The following SEMA7A variants were observed in gnomAD, a reference collection of about 807,000 sequenced individuals.
SEMA7A encodes the protein semaphorin-7A.
SEMA7A carries 21 observed loss-of-function variants against 67.5 expected under a neutral mutation model. The observed-to-expected ratio is 0.31, with a 90% confidence interval of 0.22 to 0.45. The LOEUF is 0.45. Ranked by LOEUF, SEMA7A falls within the 20% of genes least tolerant of loss-of-function variation. The probability of loss-of-function intolerance (pLI) is 1.00; values close to 1 mark genes in which losing one functional copy is unlikely to be tolerated. For missense variants in SEMA7A, 774 were observed against 908.6 expected (o/e 0.85, Z 1.90); for synonymous variants, 364 against 368.5 (o/e 0.99, Z 0.14).
intron 1 of SEMA7A, among the ~76,000 whole-genome samples, chr15:74,422,765 G>A (rs977956904): frequency 2.6e-5 from 4 of 152,244 alleles, no homozygotes; most frequent in African/African-American, 9.6e-5. Context: ...GCAGCTGACC[G>A]ACTGTGGCAA....
Position 74,414,549 on chromosome 15 carries a change from G to A in SEMA7A, c.1292C>T (p.Thr431Ile). 1 of 1,614,196 alleles carries A rather than the reference G, an allele frequency of 6.2e-7. No homozygotes were observed. Among genetic ancestry groups the A allele is most frequent in the Non-Finnish European group, 8.5e-7 (1 of 1,179,998 alleles). The change falls in exon 10 of 14, where the codon ACA (threonine) becomes ATA (isoleucine). Residue 431 changes from threonine to isoleucine, a missense_variant and splice_region_variant. Thr to Ile is a moderately conservative substitution (Grantham distance 89). Around this residue, in one of 2 missense-constraint regions of SEMA7A, gnomAD observed 427 missense variants for 555.4 expected, o/e 0.77. Coordinates refer to ENST00000261918, the MANE Select transcript of SEMA7A (RefSeq NM_003612.5). This position sits in a 1 kb window ranked among gnomAD's most constrained non-coding sequence, Gnocchi z 4.1. ...AGGGTCCCGGGGTAGCCTCTCACCT[G>A]TAGTTAGGTAAAGCACATGAAAGGT... is the stretch of plus-strand genomic sequence containing the variant. The part of the protein sequence containing the change: ...GETFHVLYLT[T>I]DRGTIHKVVE...
rs781724577 is a variant in SEMA7A at position 74,414,824 on chromosome 15, G to A, written c.1095+14C>T. On this transcript the variant is annotated intron_variant, in intron 9 of 13. Coordinates refer to ENST00000261918, the MANE Select transcript of SEMA7A (RefSeq NM_003612.5). The surrounding 1 kb of genome is among the most constrained non-coding windows in gnomAD (Gnocchi z 4.1). ...GGAGGGCTGGGCCTGGGCCACGGCT[G>A]GTGTCACGCTCACCTTGCCAGGCCG... 1.2e-6 allele frequency: 2 copies of A among 1,613,870 alleles called. No individual in the cohort carries two copies. The highest frequency in any genetic ancestry group is 2.2e-5 in the South Asian group (2 of 91,084).
chr15:74,417,472 G>A (rs760579462), intron 5 of SEMA7A, 27 bp from the exon 6 acceptor site: 25 of 1,601,768 alleles, frequency 1.6e-5, no homozygotes, highest in Non-Finnish European at 2.1e-5. Flanking sequence ...GGAGAAATGA[G>A]TAAGGGCAGG....
In SEMA7A at chr15:74,416,568, T is replaced by C. The variant is rs2060950285; in HGVS notation, c.801+7A>G. On this transcript the variant is annotated splice_region_variant and intron_variant, in intron 7 of 13. Coordinates refer to ENST00000261918, the MANE Select transcript of SEMA7A (RefSeq NM_003612.5). ...ACGTAGCCAGCAGCCCTCACGCCCC[T>C]GCTCACCCTGCACAACTGGGCCACA... The C allele has an allele frequency of 6.2e-7, 1 of 1,613,512 alleles. No individual in the cohort carries two copies.
Position 74,410,204 on chromosome 15 carries a change from C to T in SEMA7A, c.*420G>A. The T allele has an allele frequency of 5.9e-6, 1 of 170,482 alleles. No homozygotes were observed. Among genetic ancestry groups the T allele is most frequent in the Non-Finnish European group, 1.2e-5 (1 of 80,660 alleles). The allele number at this position is 170,482 out of a possible 1,614,324, so 10.6% of individuals were successfully genotyped here. ...CCATGAGAGAGGGAGGGGAAGGAGGCAATGTGGGTACCAAGAGTCCAGAAG... is the reference window on the plus strand; with the variant it reads ...CCATGAGAGAGGGAGGGGAAGGAGGTAATGTGGGTACCAAGAGTCCAGAAG... On this transcript the variant is annotated 3_prime_UTR_variant, in exon 14 of 14. Transcript: ENST00000261918. The surrounding 1 kb of genome is among the most constrained non-coding windows in gnomAD (Gnocchi z 7.5).
At chr15:74,418,719 C>T (rs2060973767) in intron 2 of SEMA7A, 82 bp downstream of exon 2, 1 of 1,507,898 alleles carries the variant, frequency 6.6e-7, no homozygotes, top group Non-Finnish European at 9.0e-7. Flanking sequence ...AGCCAGCTCC[C>T]TCGGATTCCC....
chr15:74,414,517 C>T lies in SEMA7A; in HGVS notation c.1294+30G>A, dbSNP rs1333255301. The T allele has an allele frequency of 1.2e-6, 2 of 1,605,120 alleles. No homozygotes were observed. Among genetic ancestry groups the T allele is most frequent in the African/African-American group, 2.7e-5 (2 of 74,626 alleles). On this transcript the variant is annotated intron_variant, in intron 10 of 13. Transcript: ENST00000261918. The surrounding 1 kb of genome is among the most constrained non-coding windows in gnomAD (Gnocchi z 4.1). ...ACCTTTCATGCCCGTTTTTACAAAG[C>T]AAACTGAGGGTCCCGGGGTAGCCTC...
intron 1 of SEMA7A, among the ~76,000 whole-genome samples, chr15:74,420,288 G>A (rs1188463901): frequency 1.3e-5 from 2 of 152,218 alleles, no homozygotes; most frequent in African/African-American, 2.4e-5. Context: ...CCCCGGAAGT[G>A]AGCATTCTTC....
At chr15:74,428,498 A>G (rs1408945633) in intron 1 of SEMA7A, among the ~76,000 whole-genome samples, 1 of 152,148 alleles carries the variant, frequency 6.6e-6, no homozygotes, top group Non-Finnish European at 1.5e-5. Context: ...CTGACATCCT[A>G]AGCTCGCGCT....
At chr15:74,426,972 T>G (rs537716181) in intron 1 of SEMA7A, among the ~76,000 whole-genome samples, 1 of 152,198 alleles carries the variant, frequency 6.6e-6, no homozygotes, top group Non-Finnish European at 1.5e-5. Flanking sequence ...CCACCTCATC[T>G]CTGCACAGCT....
rs757861700 is a variant in SEMA7A at position 74,411,531 on chromosome 15, G to A, written c.1577+25C>T. The stretch of plus-strand genomic sequence containing the variant: ...CTCTCCCATGCCCACCTTCTCCCAG[G>A]GACGAGGGATCCCGGCCAACGTACC... On this transcript the variant is annotated intron_variant, in intron 12 of 13. Transcript: ENST00000261918. The surrounding 1 kb of genome is among the most constrained non-coding windows in gnomAD (Gnocchi z 4.4). 4 of 1,544,166 alleles carry A rather than the reference G, an allele frequency of 2.6e-6. No individual in the cohort carries two copies. Among genetic ancestry groups the A allele is most frequent in the Non-Finnish European group, 3.5e-6 (4 of 1,143,622 alleles).
chr15:74,419,237 G>A (rs2060978994), intron 1 of SEMA7A, among the ~76,000 whole-genome samples: 1 of 152,178 alleles, frequency 6.6e-6, no homozygotes, highest in Non-Finnish European at 1.5e-5. Flanking sequence ...ATCTCAGAGT[G>A]GGGAAGGATT....
intron 1 of SEMA7A, chr15:74,433,468 T>G: frequency 1.0e-5 from 9 of 895,338 alleles, no homozygotes; most frequent in South Asian, 5.5e-5. Flanking sequence ...CGCCCGGGCG[T>G]TGCGGCTCCT....
At chr15:74,412,965 C>T (rs2060914931) in intron 10 of SEMA7A, among the ~76,000 whole-genome samples, 1 of 152,250 alleles carries the variant, frequency 6.6e-6, no homozygotes, top group African/African-American at 2.4e-5. Context: ...GGCACCCTGA[C>T]CCCTGGTCCT....
chr15:74,410,401 A>G lies in SEMA7A; in HGVS notation c.*223T>C. 1.8e-6 allele frequency: 1 copy of G among 541,288 alleles called. No individual in the cohort carries two copies. Among genetic ancestry groups the G allele is most frequent in the East Asian group, 3.1e-5 (1 of 32,394 alleles). 33.5% of individuals were successfully genotyped at this position (541,288 alleles called of 1,614,324 possible). On this transcript the variant is annotated 3_prime_UTR_variant, in exon 14 of 14. Coordinates refer to ENST00000261918, the MANE Select transcript of SEMA7A (RefSeq NM_003612.5). The surrounding 1 kb of genome is among the most constrained non-coding windows in gnomAD (Gnocchi z 7.5). ...CTTGGGTCATCGATGCCCCAGCTTC[A>G]CAGTCGGTGCCCTCATTCTCAGCCC... is the stretch of plus-strand genomic sequence containing the variant.
At chr15:74,418,151 T>A (rs764521075) in intron 3 of SEMA7A, 117 bp downstream of exon 3, 127 of 1,194,560 alleles carry the variant, frequency 1.1e-4, no homozygotes, top group Non-Finnish European at 1.5e-4. Flanking sequence ...GAGGACCACG[T>A]CTCCCCATCA....
In SEMA7A at chr15:74,433,889, G is replaced by T; in HGVS notation, c.30C>A (p.Ala10=). ...GGACGCGGGCGCGCGGTGCGCTGGG[G>T]GCGGCACGTCCGGGCGGAGGAGGCG... The part of the protein sequence containing the change: MTPPPPGRA[A]PSAPRARVPG... Residue 10 remains alanine, a synonymous_variant, in exon 1 of 14, where the codon GCC becomes GCA. Transcript: ENST00000261918. 3 of 1,266,888 alleles carry T rather than the reference G, an allele frequency of 2.4e-6. No homozygotes were observed. The highest frequency in any genetic ancestry group is 3.0e-6 in the Non-Finnish European group (3 of 1,011,434). The allele number at this position is 1,266,888 out of a possible 1,614,324, so 78.5% of individuals were successfully genotyped here.
chr15:74,420,664 T>C (rs1199502750), intron 1 of SEMA7A, among the ~76,000 whole-genome samples: 1 of 152,084 alleles, frequency 6.6e-6, no homozygotes, highest in Non-Finnish European at 1.5e-5. Flanking sequence ...CCTCCCTTCC[T>C]GGGATAAAAT....
intron 1 of SEMA7A, among the ~76,000 whole-genome samples, chr15:74,425,108 G>A (rs968859564): frequency 3.3e-5 from 5 of 152,202 alleles, no homozygotes; most frequent in African/African-American, 7.2e-5. Context: ...GCCCATTAGG[G>A]AGAACTGGCA....
Sources: gnomAD v4.1 joint callset for allele counts (sites outside exome capture counted in the v4.1 genomes callset) on GRCh38, gnomAD v4.1.1 for gene constraint, gnomAD v4.1.1 regional missense constraint, Gnocchi (gnomAD v3.1) non-coding constraint, MANE v1.5 for transcripts, NCBI Gene and HGNC (gene_info 2026-07-23, HGNC 2026-07-21) for gene names.